The following SDHB variants were observed in gnomAD, a reference collection of about 807,000 sequenced individuals.
The protein encoded by SDHB is succinate dehydrogenase [ubiquinone] iron-sulfur subunit, mitochondrial.
Under a neutral mutation model 39.7 loss-of-function variants are expected in SDHB, and 21 were observed. The ratio of observed to expected loss-of-function variants is 0.53; its 90% confidence interval spans 0.37 to 0.76. The LOEUF is 0.76. Ranked by LOEUF, SDHB falls within the 30% of genes least tolerant of loss-of-function variation. The probability of loss-of-function intolerance (pLI) is 0.00; values close to 1 mark genes in which losing one functional copy is unlikely to be tolerated. For synonymous variants in SDHB, 118 were observed against 117.0 expected (o/e 1.01, Z -0.06); for missense variants, 343 against 350.9 (o/e 0.98, Z 0.18).
At chr1:17,030,687 C>CTT (rs879266097) in intron 3 of SDHB, among the ~76,000 whole-genome samples, 1 of 144,288 alleles carries the variant, frequency 6.9e-6, no homozygotes, top group Non-Finnish European at 1.5e-5. Flanking sequence ...TGGTTATCAT[C>CTT]TTTTTTTTTT....
intron 2 of SDHB, among the ~76,000 whole-genome samples, chr1:17,039,415 CAAAAAAA>C (rs34561776): frequency 2.3e-5 from 2 of 86,400 alleles, no homozygotes; most frequent in Non-Finnish European, 4.2e-5. Flanking sequence ...CCTGTCTCTA[CAAAAAAA>C]AAAAAAAAAA....
chr1:17,044,987 A>C, intron 1 of SDHB, 99 bp from the exon 2 acceptor site: 38 of 1,056,834 alleles, frequency 3.6e-5, no homozygotes, highest in Non-Finnish European at 4.8e-5. Flanking sequence ...ATATAAACTC[A>C]CACATTACTG....
In SDHB at chr1:17,024,042, G is replaced by A. The variant is rs2101516529; in HGVS notation, c.573C>T (p.Cys191=). The change falls in exon 6 of 8, where the codon TGC becomes TGT. Residue 191 remains cysteine (C), a synonymous_variant. Transcript: ENST00000375499. The stretch of plus-strand genomic sequence containing the variant: ...AGTAGCTGGGGCAGCTGGTGCTACA[G>A]CAGGCACAGAGAATGCACTCGTAGA... ...DGLYECILCA[C]CSTSCPSYWW... 1 of 1,613,928 alleles carries A rather than the reference G, an allele frequency of 6.2e-7. No individual in the cohort carries two copies.
At chr1:17,035,750 C>G (rs1286364356) in intron 2 of SDHB, among the ~76,000 whole-genome samples, 2 of 152,022 alleles carry the variant, frequency 1.3e-5, no homozygotes, top group Non-Finnish European at 2.9e-5. Flanking sequence ...GTCCCAATTA[C>G]TTGGGAGGCT....
chr1:17,036,923 GCTAGTATTACAAGT>G (rs1260467261), intron 2 of SDHB, among the ~76,000 whole-genome samples: 2 of 151,830 alleles, frequency 1.3e-5, no homozygotes, highest in Non-Finnish European at 2.9e-5. Context: ...CAAAGAAAGT[GCTAGTATTACAAGT>G]GTGAGCCACC....
chr1:17,029,492 C>T (rs917634493), intron 3 of SDHB, among the ~76,000 whole-genome samples: 7 of 151,616 alleles, frequency 4.6e-5, no homozygotes, highest in Admixed American at 2.0e-4. Flanking sequence ...AGTGCAATGC[C>T]GCGATCTTGG....
rs543180679 is a variant in SDHB at position 17,023,480 on chromosome 1, T to C, written c.642+493A>G. On this transcript the variant is annotated intron_variant, in intron 6 of 7. Coordinates refer to ENST00000375499, the MANE Select transcript of SDHB (RefSeq NM_003000.3). Reference sequence around the variant, plus strand: ...AGCACGTATCTAAAAAAGCACAAGCTTTCTGGGAACAAAGACAGTGACTTT... The same window carrying C: ...AGCACGTATCTAAAAAAGCACAAGCCTTCTGGGAACAAAGACAGTGACTTT... Among the ~76,000 whole-genome samples, 3 of 152,338 alleles carry C rather than the reference T, an allele frequency of 2.0e-5. No homozygotes were observed. In the East Asian group the frequency reaches 5.8e-4, roughly 29 times the overall value.
At chr1:17,033,022 C>T (rs1473267710) in intron 3 of SDHB, 38 bp downstream of exon 3, 3 of 1,530,992 alleles carry the variant, frequency 2.0e-6, no homozygotes, top group Non-Finnish European at 2.7e-6. Flanking sequence ...TTTGGAAGAC[C>T]ACAAGTATCT....
At chr1:17,038,487 A>G (rs1271715631) in intron 2 of SDHB, among the ~76,000 whole-genome samples, 1 of 152,226 alleles carries the variant, frequency 6.6e-6, no homozygotes, top group African/African-American at 2.4e-5. Context: ...TATGTAAACA[A>G]TCATGTTACC....
intron 2 of SDHB, among the ~76,000 whole-genome samples, chr1:17,042,214 C>T (rs896776159): frequency 1.3e-5 from 2 of 152,198 alleles, no homozygotes; most frequent in African/African-American, 4.8e-5. Context: ...AACTGTTAGT[C>T]CCGTTACTTC....
intron 1 of SDHB, among the ~76,000 whole-genome samples, chr1:17,051,395 T>C (rs2647145): frequency 0.25 from 38,045 of 152,134 alleles, 6,391 homozygotes; most frequent in African/African-American, 0.48. Flanking sequence ...CTGGTTGTTG[T>C]TCCTCCAGTA....
At chr1:17,030,637 C>G (rs191778085) in intron 3 of SDHB, among the ~76,000 whole-genome samples, 2 of 151,906 alleles carry the variant, frequency 1.3e-5, no homozygotes, top group East Asian at 3.9e-4. Flanking sequence ...TTTTGAAGAT[C>G]ATTAGGTCAG....
intron 1 of SDHB, 79 bp from the exon 2 acceptor site, chr1:17,044,967 G>A (rs1265348714): frequency 3.2e-6 from 4 of 1,268,916 alleles, no homozygotes; most frequent in African/African-American, 1.5e-5. Context: ...CACAACAGAT[G>A]TAACGCTGGA....
At chr1:17,023,463 T>C (rs954738031) in intron 6 of SDHB, among the ~76,000 whole-genome samples, 1 of 152,212 alleles carries the variant, frequency 6.6e-6, no homozygotes, top group Non-Finnish European at 1.5e-5. Context: ...AAAGCACGTA[T>C]CTAAAAAAGC....
intron 7 of SDHB, among the ~76,000 whole-genome samples, chr1:17,022,142 G>A (rs1339915194): frequency 6.6e-6 from 1 of 152,204 alleles, no homozygotes; most frequent in African/African-American, 2.4e-5. Context: ...ATGCGAGCAG[G>A]AAGAGGAACG....
At chr1:17,022,553 C>T in intron 7 of SDHB, 55 bp downstream of exon 7, 1 of 1,609,440 alleles carries the variant, frequency 6.2e-7, no homozygotes. Flanking sequence ...TGAGCACATG[C>T]TACTTCTGGC....
intron 1 of SDHB, among the ~76,000 whole-genome samples, chr1:17,045,773 T>A (rs747135054): frequency 2.0e-4 from 31 of 151,738 alleles, no homozygotes; most frequent in African/African-American, 7.5e-4. Flanking sequence ...AGACAGGGAG[T>A]CTTCACTACA....
At chr1:17,051,693 C>G (rs2746464) in intron 1 of SDHB, among the ~76,000 whole-genome samples, 101,724 of 148,232 alleles carry the variant, frequency 0.69, 35,428 homozygotes, top group Non-Finnish European at 0.71. Flanking sequence ...TAAGATAACC[C>G]GGGGGAGGGG....
At chr1:17,028,783 A>C in intron 3 of SDHB, 47 bp from the exon 4 acceptor site, 1 of 1,607,358 alleles carries the variant, frequency 6.2e-7, no homozygotes, top group South Asian at 1.1e-5. Flanking sequence ...ATCCGGAATC[A>C]GTCCTGCCCC....
Sources: allele counts gnomAD v4.1 joint callset (sites outside exome capture counted in the v4.1 genomes callset), GRCh38; gene constraint gnomAD v4.1.1; transcripts MANE v1.5; gene names NCBI Gene and HGNC (gene_info 2026-07-23, HGNC 2026-07-21).